The following MAP3K5 variants were observed in gnomAD, a reference collection of about 807,000 sequenced individuals.
MAP3K5 encodes the protein ASK-1.
MAP3K5 carries 56 observed loss-of-function variants against 158.7 expected under a neutral mutation model. The observed-to-expected ratio is 0.35, with a 90% CI of 0.28 to 0.44. The LOEUF is 0.44. MAP3K5 is among the 20% of genes least tolerant of loss of function. The pLI, the probability that MAP3K5 is intolerant of heterozygous loss-of-function variation, is 1.00. For synonymous variants in MAP3K5, 579 were observed against 601.7 expected (o/e 0.96, Z 0.55); for missense variants, 1,294 against 1,674.8 (o/e 0.77, Z 3.97).
rs758396472 is a variant in MAP3K5, at chr6:136,592,476, C to A, written c.3017G>T (p.Gly1006Val). 3.7e-6 allele frequency: 6 copies of A among 1,614,116 alleles called. No individual in the cohort carries two copies. Among genetic ancestry groups the A allele is most frequent in the Non-Finnish European group, 5.1e-6 (6 of 1,180,030 alleles). ...CCGAATTCCCTTGACATCTCTTTCT[C>A]CGCAGGACTTGGCTCTTGTTTTGAA... ...FSFKTRAKSCGERDVKGIRTL... is the reference protein window; with the variant it reads ...FSFKTRAKSCVERDVKGIRTL... The change falls in exon 22 of 30, where the codon GGA becomes GTA. Residue 1006 changes from glycine (G) to valine (V), a missense_variant. Physicochemically the swap from Gly to Val is moderately radical, Grantham distance 109 (BLOSUM62 -3). Around this residue, in one of 5 missense-constraint regions of MAP3K5, gnomAD observed 362 missense variants for 463.2 expected, o/e 0.78. Transcript: ENST00000359015.
chr6:136,750,464 C>A (rs1026111410), intron 1 of MAP3K5, among the ~76,000 whole-genome samples: 2 of 152,200 alleles, frequency 1.3e-5, no homozygotes, highest in South Asian at 4.1e-4. Flanking sequence ...TACCTCTTCT[C>A]ATGCCAGTGA....
intron 25 of MAP3K5, among the ~76,000 whole-genome samples, chr6:136,573,619 T>TA (rs747817796): frequency 1.3e-5 from 2 of 152,168 alleles, no homozygotes; most frequent in African/African-American, 2.4e-5. Flanking sequence ...CTGAAGGGCC[T>TA]ATGCAGAGTT....
chr6:136,569,945 G>T (rs1380656441), intron 25 of MAP3K5, among the ~76,000 whole-genome samples: 1 of 152,164 alleles, frequency 6.6e-6, no homozygotes. Flanking sequence ...TCGGCACATA[G>T]AACATTTATC....
At chr6:136,787,825 T>A (rs1445306480) in intron 1 of MAP3K5, among the ~76,000 whole-genome samples, 1 of 152,122 alleles carries the variant, frequency 6.6e-6, no homozygotes, top group Non-Finnish European at 1.5e-5. Flanking sequence ...CTTCCCACTA[T>A]CTCATAAAAA....
intron 9 of MAP3K5, 79 bp downstream of exon 9, chr6:136,659,140 T>G: frequency 1.6e-6 from 2 of 1,214,026 alleles, no homozygotes; most frequent in Non-Finnish European, 2.3e-6. Context: ...ATCATCTAAT[T>G]GTCAGTTCAA....
chr6:136,720,404 G>A (rs760022781), intron 2 of MAP3K5, 46 bp downstream of exon 2: 2 of 1,510,154 alleles, frequency 1.3e-6, no homozygotes, highest in South Asian at 1.3e-5. Context: ...CGGTATCCCT[G>A]AAATGCTGAT....
intron 1 of MAP3K5, among the ~76,000 whole-genome samples, chr6:136,738,884 G>A (rs566945385): frequency 7.8e-4 from 118 of 151,922 alleles, no homozygotes; most frequent in African/African-American, 2.2e-3. Flanking sequence ...TAAGTGCCAA[G>A]GGATACTAAG....
intron 8 of MAP3K5, among the ~76,000 whole-genome samples, chr6:136,661,979 A>G (rs967733899): frequency 6.6e-6 from 1 of 152,362 alleles, no homozygotes; most frequent in African/African-American, 2.4e-5. Context: ...GATAAAATGT[A>G]TATTTTTGAT....
chr6:136,590,860 G>C (rs1693837413), intron 23 of MAP3K5, among the ~76,000 whole-genome samples: 2 of 152,096 alleles, frequency 1.3e-5, no homozygotes, highest in Non-Finnish European at 2.9e-5. Context: ...TTTTCTCAAT[G>C]TCTGTGTGGC....
At chr6:136,761,394 G>A (rs924997747) in intron 1 of MAP3K5, among the ~76,000 whole-genome samples, 1 of 151,998 alleles carries the variant, frequency 6.6e-6, no homozygotes, top group Non-Finnish European at 1.5e-5. Context: ...GATCCCAGGT[G>A]TCTGGGCAGG....
intron 10 of MAP3K5, 98 bp from the exon 11 acceptor site, chr6:136,651,189 C>T: frequency 1.7e-6 from 1 of 596,140 alleles, no homozygotes; most frequent in Non-Finnish European, 3.0e-6. Flanking sequence ...AGGATTATTG[C>T]ATGAGCTTCT....
chr6:136,739,369 T>C (rs897043363), intron 1 of MAP3K5, among the ~76,000 whole-genome samples: 1 of 152,060 alleles, frequency 6.6e-6, no homozygotes, highest in Non-Finnish European at 1.5e-5. Context: ...ATAACAATAG[T>C]CTTTGTCACA....
Position 136,792,424 on chromosome 6 carries a change from G to C in MAP3K5, c.-267C>G. On this transcript the variant is annotated 5_prime_UTR_variant, in exon 1 of 30. Transcript: ENST00000359015. The surrounding 1 kb of genome is among the most constrained non-coding windows in gnomAD (Gnocchi z 5.7). ...TAGAGTACAAGGGGTGGGGAAGCCG[G>C]GTGAGCGGGAAGGGACGGAGCTTCC... The C allele has an allele frequency of 2.9e-5, 28 of 977,910 alleles. No individual in the cohort carries two copies. Among genetic ancestry groups the C allele is most frequent in the Non-Finnish European group, 3.3e-5 (27 of 822,816 alleles). The allele number at this position is 977,910 out of a possible 1,614,324, so 60.6% of individuals were successfully genotyped here.
chr6:136,604,809 A>G (rs1024825427), intron 19 of MAP3K5, among the ~76,000 whole-genome samples: 1 of 152,178 alleles, frequency 6.6e-6, no homozygotes, highest in African/African-American at 2.4e-5. Flanking sequence ...CTATTATGGT[A>G]GAGAAGTAAA....
chr6:136,592,951 T>C (rs898724730), intron 21 of MAP3K5, among the ~76,000 whole-genome samples: 1 of 152,122 alleles, frequency 6.6e-6, no homozygotes, highest in Admixed American at 6.5e-5. Context: ...GGGTCTCAGT[T>C]TTCATATTTA....
chr6:136,730,496 T>C (rs886645474), intron 1 of MAP3K5, among the ~76,000 whole-genome samples: 5 of 150,802 alleles, frequency 3.3e-5, no homozygotes, highest in Non-Finnish European at 7.4e-5. Flanking sequence ...CAGAGGCGGG[T>C]AGATCACGAG....
At chr6:136,788,906 A>G (rs558216513) in intron 1 of MAP3K5, among the ~76,000 whole-genome samples, 1 of 152,342 alleles carries the variant, frequency 6.6e-6, no homozygotes, top group East Asian at 1.9e-4. Context: ...CTAGGTATAT[A>G]CCCAAAGGAA....
chr6:136,577,177 A>G (rs1192532832), intron 25 of MAP3K5, among the ~76,000 whole-genome samples: 1 of 152,134 alleles, frequency 6.6e-6, no homozygotes, highest in Non-Finnish European at 1.5e-5. Flanking sequence ...TCTGAAAGGA[A>G]TTTTTATCAG....
intron 10 of MAP3K5, 60 bp downstream of exon 10, chr6:136,656,247 A>G: frequency 6.7e-7 from 1 of 1,485,818 alleles, no homozygotes; most frequent in Non-Finnish European, 9.4e-7. Context: ...TGATACAATC[A>G]CAGTACAAGA....
Sources: allele counts gnomAD v4.1 joint callset (sites outside exome capture counted in the v4.1 genomes callset), GRCh38; gene constraint gnomAD v4.1.1; regional missense constraint gnomAD v4.1.1; non-coding constraint Gnocchi (gnomAD v3.1); transcripts MANE v1.5; gene names NCBI Gene and HGNC (gene_info 2026-07-23, HGNC 2026-07-21).